Variants in TRABD2A observed in about 807,000 individuals in gnomAD.
TRABD2A encodes the protein TraB domain containing 2A.
In TRABD2A, 43 loss-of-function variants were observed where a neutral mutation model predicts 45.6. The ratio of observed to expected loss-of-function variants is 0.94; its 90% confidence interval spans 0.74 to 1.22. TRABD2A has a LOEUF of 1.22. Among genes scored for constraint, TRABD2A ranks in the 50% most tolerant of loss-of-function variants. TRABD2A has a pLI of 0.00. For missense variants in TRABD2A, 642 were observed against 652.4 expected (o/e 0.98, Z 0.17); for synonymous variants, 269 against 265.0 (o/e 1.02, Z -0.15).
rs541631462 is a variant in TRABD2A at position 84,877,931 on chromosome 2, CT to C, written c.108+3000del. 8.3e-4 allele frequency among the ~76,000 whole-genome samples: 127 copies of C among 152,334 alleles called. 1 individual carries two copies. The highest frequency in any genetic ancestry group is 3.0e-3 in the African/African-American group (123 of 41,572). ...TGAGCATCTGCTATGGCAAGGCACT[CT>C]TCTGGATACTGGGGATGCAGAAGCA... On this transcript the variant is annotated intron_variant, in intron 1 of 6. Coordinates refer to ENST00000409520, the MANE Select transcript of TRABD2A (RefSeq NM_001277053.2).
At chr2:84,822,698 G>C (rs1559081982) in intron 6 of TRABD2A, among the ~76,000 whole-genome samples, 1 of 152,196 alleles carries the variant, frequency 6.6e-6, no homozygotes, top group East Asian at 1.9e-4. Flanking sequence ...TCTGTCAATG[G>C]AGGATGGTTC....
chr2:84,836,936 A>C (rs1363740020), intron 4 of TRABD2A: 2 of 148,014 alleles, frequency 1.4e-5, no homozygotes. Flanking sequence ...TATTGGTGAG[A>C]TATTGTTCTC....
chr2:84,861,590 G>A (rs1442998907), intron 2 of TRABD2A, among the ~76,000 whole-genome samples: 3 of 152,190 alleles, frequency 2.0e-5, no homozygotes, highest in Non-Finnish European at 2.9e-5. Context: ...CATCTGTGGC[G>A]TGGTGATTGG....
chr2:84,844,162 C>T (rs908879418), intron 2 of TRABD2A, among the ~76,000 whole-genome samples: 5 of 152,098 alleles, frequency 3.3e-5, no homozygotes, highest in African/African-American at 9.7e-5. Context: ...CTTGGTCATG[C>T]GGTGATTTGG....
intron 2 of TRABD2A, among the ~76,000 whole-genome samples, chr2:84,854,468 C>A (rs1682205860): frequency 6.6e-6 from 1 of 152,190 alleles, no homozygotes; most frequent in African/African-American, 2.4e-5. Context: ...CATCATACCC[C>A]TTTTAGAAAT....
At chr2:84,861,781 C>T (rs1326373393) in intron 2 of TRABD2A, among the ~76,000 whole-genome samples, 1 of 152,188 alleles carries the variant, frequency 6.6e-6, no homozygotes, top group African/African-American at 2.4e-5. Context: ...CGATAAACAA[C>T]CTCACCTGCC....
chr2:84,856,614 C>T (rs987153865), intron 2 of TRABD2A, among the ~76,000 whole-genome samples: 18 of 152,238 alleles, frequency 1.2e-4, no homozygotes, highest in African/African-American at 3.9e-4. Context: ...TCAATGATGA[C>T]GGTTCCTGAA....
intron 2 of TRABD2A, among the ~76,000 whole-genome samples, chr2:84,850,015 T>C (rs1465589494): frequency 6.6e-6 from 1 of 152,222 alleles, no homozygotes; most frequent in East Asian, 1.9e-4. Context: ...ATTCACATTT[T>C]AAGTTTCCAA....
At chr2:84,844,930 T>C (rs895089639) in intron 2 of TRABD2A, among the ~76,000 whole-genome samples, 1 of 152,234 alleles carries the variant, frequency 6.6e-6, no homozygotes, top group Non-Finnish European at 1.5e-5. Flanking sequence ...AGAGTGTCCA[T>C]TAATTTTGAA....
At chr2:84,858,619 G>A (rs1440573227) in intron 2 of TRABD2A, among the ~76,000 whole-genome samples, 2 of 152,176 alleles carry the variant, frequency 1.3e-5, no homozygotes, top group South Asian at 2.1e-4. Context: ...CCCACCACAG[G>A]GATGTCTGTC....
At chr2:84,856,567 C>A (rs1211821860) in intron 2 of TRABD2A, among the ~76,000 whole-genome samples, 2 of 152,116 alleles carry the variant, frequency 1.3e-5, no homozygotes, top group African/African-American at 2.4e-5. Flanking sequence ...ATAAACTGAT[C>A]TTCAGTGACA....
chr2:84,873,344 C>T (rs922869949), intron 1 of TRABD2A, among the ~76,000 whole-genome samples: 3 of 150,916 alleles, frequency 2.0e-5, no homozygotes, highest in Non-Finnish European at 4.4e-5. Context: ...TCGCTTGAAC[C>T]GGGAGGCAGA....
intron 2 of TRABD2A, among the ~76,000 whole-genome samples, chr2:84,860,662 A>C (rs898417079): frequency 6.6e-6 from 1 of 152,248 alleles, no homozygotes; most frequent in African/African-American, 2.4e-5. Flanking sequence ...CCAGAAAAGC[A>C]AGAAGAAAGC....
intron 1 of TRABD2A, among the ~76,000 whole-genome samples, chr2:84,880,016 C>A (rs1683151339): frequency 6.8e-6 from 1 of 147,192 alleles, no homozygotes; most frequent in Non-Finnish European, 1.5e-5. Context: ...CCCCGCGTCG[C>A]GGGCGCACCA....
chr2:84,824,284 G>T (rs1424641946), intron 5 of TRABD2A, 80 bp from the exon 6 acceptor site: 4 of 1,551,206 alleles, frequency 2.6e-6, no homozygotes, highest in Non-Finnish European at 3.5e-6. Context: ...TACACCTCAG[G>T]GTTTCAAGAC....
At chr2:84,864,589 C>T (rs1297702404) in intron 2 of TRABD2A, among the ~76,000 whole-genome samples, 1 of 152,122 alleles carries the variant, frequency 6.6e-6, no homozygotes, top group African/African-American at 2.4e-5. Flanking sequence ...GACCCCAGGC[C>T]AGCCCACCCT....
chr2:84,829,582 CTGT>C (rs1681258388), intron 5 of TRABD2A, among the ~76,000 whole-genome samples: 1 of 144,490 alleles, frequency 6.9e-6, no homozygotes, highest in African/African-American at 2.7e-5. Flanking sequence ...ACGTACCACA[CTGT>C]ACACACACAA....
At chr2:84,864,516 C>A (rs530938272) in intron 2 of TRABD2A, among the ~76,000 whole-genome samples, 27 of 152,248 alleles carry the variant, frequency 1.8e-4, no homozygotes, top group African/African-American at 6.0e-4. Context: ...CACTCAGAGG[C>A]AGAGTTGGAT....
intron 5 of TRABD2A, 116 bp from the exon 6 acceptor site, chr2:84,824,320 G>T: frequency 7.0e-7 from 1 of 1,433,258 alleles, no homozygotes. Context: ...GAAAGTTCAA[G>T]CTGGCCAGGA....
Sources: gnomAD v4.1 joint callset for allele counts (sites outside exome capture counted in the v4.1 genomes callset) on GRCh38, gnomAD v4.1.1 for gene constraint, MANE v1.5 for transcripts, NCBI Gene and HGNC (gene_info 2026-07-23, HGNC 2026-07-21) for gene names.